The following SGCZ variants were observed in gnomAD, a reference collection of about 807,000 sequenced individuals.
The protein encoded by SGCZ is zeta-sarcoglycan.
SGCZ carries 40 observed loss-of-function variants against 41.3 expected under a neutral mutation model. The ratio of observed to expected loss-of-function variants is 0.97; its 90% CI spans 0.75 to 1.26. SGCZ has a LOEUF of 1.26. Ranked by LOEUF, SGCZ falls within the 50% of genes most tolerant of loss-of-function variation. The pLI is 0.00. For missense variants in SGCZ, 552 were observed against 369.8 expected, an observed-to-expected ratio of 1.49 and a Z score of -4.04; for synonymous variants, 206 against 137.5, an observed-to-expected ratio of 1.50 and a Z score of -3.49.
At chr8:14,890,097 G>T (rs1804956188) in intron 1 of SGCZ, among the ~76,000 whole-genome samples, 1 of 151,880 alleles carries the variant, frequency 6.6e-6, no homozygotes, top group Admixed American at 6.6e-5. Context: ...GGCACCCATA[G>T]TCCCAGCTAC....
At chr8:14,527,594 T>C (rs1034624042) in intron 2 of SGCZ, among the ~76,000 whole-genome samples, 1 of 152,154 alleles carries the variant, frequency 6.6e-6, no homozygotes, top group Non-Finnish European at 1.5e-5. Flanking sequence ...CATGATGTCA[T>C]TGTCATTATG....
chr8:14,862,230 G>A (rs1803774333), intron 1 of SGCZ, among the ~76,000 whole-genome samples: 1 of 151,818 alleles, frequency 6.6e-6, no homozygotes, highest in Non-Finnish European at 1.5e-5. Flanking sequence ...GGAAACCAAG[G>A]CTCTGAGAAT....
intron 1 of SGCZ, among the ~76,000 whole-genome samples, chr8:14,736,450 T>C (rs112171248): frequency 1.7e-3 from 262 of 152,282 alleles, no homozygotes; most frequent in African/African-American, 6.1e-3. Flanking sequence ...GGCTATAAAA[T>C]CAAAATAAAT....
At chr8:15,194,670 C>G (rs908956774) in intron 1 of SGCZ, among the ~76,000 whole-genome samples, 6 of 152,136 alleles carry the variant, frequency 3.9e-5, no homozygotes, top group African/African-American at 1.4e-4. Flanking sequence ...GGAGAGAGAT[C>G]TGAAGGTTCT....
chr8:14,730,019 G>C (rs987161706), intron 1 of SGCZ, among the ~76,000 whole-genome samples: 4 of 152,160 alleles, frequency 2.6e-5, no homozygotes, highest in African/African-American at 9.7e-5. Context: ...CAGTGGGGCG[G>C]AGATTGCAGT....
chr8:15,115,667 A>T (rs1190940794), intron 1 of SGCZ, among the ~76,000 whole-genome samples: 1 of 152,202 alleles, frequency 6.6e-6, no homozygotes, highest in African/African-American at 2.4e-5. Flanking sequence ...TATGCAGAGA[A>T]AATAATTCTT....
Position 15,171,683 on chromosome 8 carries a change from G to A in SGCZ, c.39+65902C>T, listed in dbSNP as rs1394810892. 3.9e-5 allele frequency among the ~76,000 whole-genome samples: 6 copies of A among 152,302 alleles called. No individual in the cohort carries two copies. The East Asian group carries it at 9.6e-4, about 24-fold the overall frequency. ...TTTTGCCTCTTAATCTTATTAGCAT[G>A]TGAGCCCTTGATCCTCTTCCTTTTT... is the stretch of plus-strand genomic sequence containing the variant. On this transcript the variant is annotated intron_variant, in intron 1 of 7. Coordinates refer to ENST00000382080, the MANE Select transcript of SGCZ (RefSeq NM_139167.4).
intron 1 of SGCZ, among the ~76,000 whole-genome samples, chr8:14,632,804 G>C (rs1205850713): frequency 6.6e-6 from 1 of 151,816 alleles, no homozygotes; most frequent in African/African-American, 2.4e-5. Context: ...ATAAGATAAA[G>C]GGGAGAAAGT....
intron 2 of SGCZ, among the ~76,000 whole-genome samples, chr8:14,338,683 C>T (rs1802586170): frequency 2.0e-5 from 3 of 152,304 alleles, no homozygotes; most frequent in Middle Eastern, 3.4e-3. Context: ...CTTTGTTCCT[C>T]ATACATTATT....
chr8:14,749,524 T>C (rs1164736364), intron 1 of SGCZ, among the ~76,000 whole-genome samples: 1 of 152,180 alleles, frequency 6.6e-6, no homozygotes, highest in East Asian at 1.9e-4. Flanking sequence ...AAGTATTTCA[T>C]TTGGAATTCT....
At chr8:14,756,618 T>A (rs1459347793) in intron 1 of SGCZ, among the ~76,000 whole-genome samples, 1 of 152,206 alleles carries the variant, frequency 6.6e-6, no homozygotes, top group East Asian at 1.9e-4. Flanking sequence ...TCCTCAAACA[T>A]AACAGGCGTG....
At chr8:14,633,903 TTTC>T (rs141947825) in intron 1 of SGCZ, among the ~76,000 whole-genome samples, 5,045 of 151,922 alleles carry the variant, frequency 0.033, 136 homozygotes, top group South Asian at 0.14. Context: ...CAAACAAAAG[TTTC>T]TTAATTTTTA....
At chr8:14,268,227 A>G (rs529627328) in intron 3 of SGCZ, among the ~76,000 whole-genome samples, 1 of 149,182 alleles carries the variant, frequency 6.7e-6, no homozygotes, top group South Asian at 2.1e-4. Flanking sequence ...ATAAATATAT[A>G]TATGTATAGA....
chr8:15,072,440 C>T (rs751003144), intron 1 of SGCZ, among the ~76,000 whole-genome samples: 1 of 152,182 alleles, frequency 6.6e-6, no homozygotes, highest in Admixed American at 6.5e-5. Flanking sequence ...TTAATTTCAT[C>T]CTAGTGGTTA....
At chr8:14,669,183 C>T (rs1419505403) in intron 1 of SGCZ, among the ~76,000 whole-genome samples, 1 of 118,100 alleles carries the variant, frequency 8.5e-6, no homozygotes, top group Admixed American at 9.7e-5. Context: ...AACACACACA[C>T]ACACACTACA....
intron 1 of SGCZ, among the ~76,000 whole-genome samples, chr8:14,874,465 A>G (rs562277449): frequency 6.6e-6 from 1 of 152,234 alleles, no homozygotes; most frequent in African/African-American, 2.4e-5. Flanking sequence ...TGGGGATGGG[A>G]GATGAAATTA....
At chr8:15,197,377 A>G (rs1028146267) in intron 1 of SGCZ, among the ~76,000 whole-genome samples, 8 of 152,202 alleles carry the variant, frequency 5.3e-5, no homozygotes, top group Non-Finnish European at 1.5e-5. Flanking sequence ...CTTCACGAAA[A>G]CTAAGTTTCA....
chr8:14,316,265 CAA>C (rs999538870), intron 3 of SGCZ, among the ~76,000 whole-genome samples: 1 of 151,702 alleles, frequency 6.6e-6, no homozygotes, highest in Non-Finnish European at 1.5e-5. Context: ...TGAGCATATG[CAA>C]TAATTCATAG....
chr8:14,290,133 C>A (rs1206592874), intron 3 of SGCZ, among the ~76,000 whole-genome samples: 2 of 151,900 alleles, frequency 1.3e-5, no homozygotes, highest in African/African-American at 4.8e-5. Context: ...TGACACAGAG[C>A]CAAACTGTAT....
Sources: gnomAD v4.1 joint callset for allele counts (sites outside exome capture counted in the v4.1 genomes callset) on GRCh38, gnomAD v4.1.1 for gene constraint, MANE v1.5 for transcripts, NCBI Gene and HGNC (gene_info 2026-07-23, HGNC 2026-07-21) for gene names.